Variants in SLC14A2 observed in about 807,000 individuals in gnomAD.
SLC14A2 encodes the protein solute carrier family 14 member 2.
In SLC14A2, 91 loss-of-function variants were observed where a neutral mutation model predicts 104.6. The ratio of observed to expected loss-of-function variants is 0.87; its 90% CI spans 0.73 to 1.04. The LOEUF (loss-of-function observed/expected upper bound fraction) is 1.04. Ranked by LOEUF, SLC14A2 falls within the 50% of genes least tolerant of loss-of-function variation. The pLI, the probability that SLC14A2 is intolerant of heterozygous loss-of-function variation, is 0.00. For synonymous variants in SLC14A2, 476 were observed against 466.4 expected, an observed-to-expected ratio of 1.02 and a Z score of -0.27; for missense variants, 1,189 against 1,156.0, an observed-to-expected ratio of 1.03 and a Z score of -0.41.
chr18:45,285,497 A>C (rs1456427510), intron 1 of SLC14A2, among the ~76,000 whole-genome samples: 1 of 152,032 alleles, frequency 6.6e-6, no homozygotes, highest in Non-Finnish European at 1.5e-5. Context: ...GGCTCACCGC[A>C]ACCTCTGCCC....
At chr18:45,229,230 A>G (rs2084150534) in intron 1 of SLC14A2, among the ~76,000 whole-genome samples, 2 of 152,164 alleles carry the variant, frequency 1.3e-5, no homozygotes, top group South Asian at 4.1e-4. Context: ...TAGGTTCTGT[A>G]GTAGATGCTG....
intron 2 of SLC14A2, among the ~76,000 whole-genome samples, chr18:45,509,591 G>A (rs2043335637): frequency 6.6e-6 from 1 of 152,202 alleles, no homozygotes; most frequent in African/African-American, 2.4e-5. Context: ...GGAGGGGACA[G>A]GGAAAGAAAA....
intron 1 of SLC14A2, among the ~76,000 whole-genome samples, chr18:45,256,754 T>A (rs1343482476): frequency 1.3e-5 from 2 of 152,216 alleles, no homozygotes; most frequent in African/African-American, 2.4e-5. Context: ...GGTTTACAGT[T>A]TTTACTTCTC....
chr18:45,622,963 G>A (rs1314088874), intron 1 of SLC14A2, among the ~76,000 whole-genome samples: 2 of 152,186 alleles, frequency 1.3e-5, no homozygotes, highest in Non-Finnish European at 2.9e-5. Flanking sequence ...CAGTTGTTTG[G>A]TGAAAGCATG....
intron 1 of SLC14A2, among the ~76,000 whole-genome samples, chr18:45,279,171 G>A (rs1008832176): frequency 2.0e-5 from 3 of 152,208 alleles, no homozygotes; most frequent in African/African-American, 7.2e-5. Context: ...TTCTATGCGT[G>A]ATGTCAAGGG....
intron 1 of SLC14A2, among the ~76,000 whole-genome samples, chr18:45,331,914 G>T (rs1353124872): frequency 6.6e-6 from 1 of 152,106 alleles, no homozygotes; most frequent in Non-Finnish European, 1.5e-5. Context: ...TCTTGTCATT[G>T]GAGTTCAGGC....
chr18:45,376,887 C>T (rs189335910), intron 1 of SLC14A2, among the ~76,000 whole-genome samples: 1 of 152,292 alleles, frequency 6.6e-6, no homozygotes, highest in Non-Finnish European at 1.5e-5. Context: ...CTTGCTCATA[C>T]TTTTCACCTC....
At chr18:45,306,061 T>C (rs1386845234) in intron 1 of SLC14A2, among the ~76,000 whole-genome samples, 1 of 152,186 alleles carries the variant, frequency 6.6e-6, no homozygotes, top group East Asian at 1.9e-4. Context: ...GTTCCTTGGT[T>C]CTCACTGATG....
chr18:45,204,541 A>G, the SLC14A2 span, among the ~76,000 whole-genome samples: 1 of 152,190 alleles, frequency 6.6e-6, no homozygotes, highest in Non-Finnish European at 1.5e-5. Context: ...GATGGAGACT[A>G]TGTATTCTTA....
intron 2 of SLC14A2, chr18:45,493,237 T>A (rs192187650): frequency 1.3e-5 from 2 of 152,350 alleles, no homozygotes; most frequent in East Asian, 3.9e-4. Flanking sequence ...TCTGGCCTAA[T>A]GATTTGCAAC....
At chr18:45,541,003 A>G (rs1214513529) in intron 2 of SLC14A2, among the ~76,000 whole-genome samples, 1 of 152,144 alleles carries the variant, frequency 6.6e-6, no homozygotes, top group Non-Finnish European at 1.5e-5. Context: ...ACAAGGAGGA[A>G]TGTCTTATTT....
intron 1 of SLC14A2, among the ~76,000 whole-genome samples, chr18:45,329,527 G>T (rs1429931696): frequency 6.6e-6 from 1 of 152,210 alleles, no homozygotes; most frequent in Non-Finnish European, 1.5e-5. Context: ...GCTAGTGATT[G>T]ACACCTGAGG....
intron 2 of SLC14A2, among the ~76,000 whole-genome samples, chr18:45,542,035 G>GTTTGTTTTTTTTTTTTTT (rs2043891585): frequency 1.8e-5 from 1 of 54,206 alleles, no homozygotes. Context: ...AAGAGAGAGG[G>GTTTGTTTTTTTTTTTTTT]TTTTTTTTTT....
intron 1 of SLC14A2, among the ~76,000 whole-genome samples, chr18:45,341,980 G>A (rs2085400761): frequency 6.6e-6 from 1 of 152,112 alleles, no homozygotes; most frequent in South Asian, 2.1e-4. Flanking sequence ...TGGAGTTATA[G>A]TGTTGTTCAC....
intron 1 of SLC14A2, among the ~76,000 whole-genome samples, chr18:45,350,379 C>T (rs1229664300): frequency 1.3e-5 from 2 of 152,202 alleles, no homozygotes; most frequent in African/African-American, 2.4e-5. Context: ...AACAAACACA[C>T]TCATAGCTCA....
chr18:45,226,955 C>T (rs1377045428), intron 1 of SLC14A2, among the ~76,000 whole-genome samples: 2 of 152,146 alleles, frequency 1.3e-5, no homozygotes, highest in African/African-American at 4.8e-5. Context: ...GTGACAGAGG[C>T]TGTTCTTGTG....
At chr18:45,531,766 G>A (rs1267754754) in intron 2 of SLC14A2, among the ~76,000 whole-genome samples, 1 of 152,068 alleles carries the variant, frequency 6.6e-6, no homozygotes, top group African/African-American at 2.4e-5. Context: ...TAGACATGAA[G>A]TCCTTGCCCA....
At chr18:45,175,032 A>G in the SLC14A2 span, among the ~76,000 whole-genome samples, 1 of 152,154 alleles carries the variant, frequency 6.6e-6, no homozygotes, top group Non-Finnish European at 1.5e-5. Context: ...GGGAATTTAA[A>G]TGAGTACAAC....
At chr18:45,410,829 C>T (rs2086207076) in intron 1 of SLC14A2, among the ~76,000 whole-genome samples, 2 of 152,198 alleles carry the variant, frequency 1.3e-5, no homozygotes. Flanking sequence ...GACTTCCTCG[C>T]TTAAGAAAAC....
Sources: gnomAD v4.1 joint callset for allele counts (sites outside exome capture counted in the v4.1 genomes callset) on GRCh38, gnomAD v4.1.1 for gene constraint, MANE v1.5 for transcripts, NCBI Gene and HGNC (gene_info 2026-07-23, HGNC 2026-07-21) for gene names.